CAMTA1: variants seen among roughly 807,000 people sequenced by gnomAD.
CAMTA1 encodes calmodulin-binding transcription activator 1.
Under a neutral mutation model 170.9 loss-of-function variants are expected in CAMTA1, and 27 were observed. The observed-to-expected ratio is 0.16, with a 90% confidence interval of 0.12 to 0.22. The LOEUF (loss-of-function observed/expected upper bound fraction) is 0.22. Among genes scored for constraint, CAMTA1 ranks in the 10% least tolerant of loss-of-function variants. The pLI is 1.00. For synonymous variants in CAMTA1, 833 were observed against 891.5 expected, an observed-to-expected ratio of 0.93 and a Z score of 1.17; for missense variants, 1,619 against 2,217.2, an observed-to-expected ratio of 0.73 and a Z score of 5.42.
At chr1:7,411,117 G>A (rs2090701900) in intron 5 of CAMTA1, among the ~76,000 whole-genome samples, 1 of 152,080 alleles carries the variant, frequency 6.6e-6, no homozygotes, top group African/African-American at 2.4e-5. Context: ...GGTTTTCTAA[G>A]CTATTATCTT....
chr1:6,809,941 G>C (rs1644973903), intron 1 of CAMTA1, among the ~76,000 whole-genome samples: 1 of 152,192 alleles, frequency 6.6e-6, no homozygotes, highest in African/African-American at 2.4e-5. Context: ...GATTATTTCA[G>C]AACCGTGGTG....
rs1358438636 is a variant in CAMTA1, at chr1:7,329,127, A to G, written c.438+79501A>G. On this transcript the variant is annotated intron_variant, in intron 5 of 22. Coordinates refer to ENST00000303635, the MANE Select transcript of CAMTA1 (RefSeq NM_015215.4). ...CCTTAAAAATCCAAAGAGTGTGATT[A>G]TCTTCACTTTACTGTAGGTCATAGA... Among the ~76,000 whole-genome samples the G allele has an allele frequency of 2.6e-5, 4 of 152,162 alleles. No individual in the cohort carries two copies. The East Asian group carries it at 7.7e-4, about 29-fold the overall frequency.
chr1:6,920,249 T>C (rs772479188), intron 3 of CAMTA1, among the ~76,000 whole-genome samples: 1 of 152,220 alleles, frequency 6.6e-6, no homozygotes, highest in Non-Finnish European at 1.5e-5. Context: ...ACAGGGCCCA[T>C]GCAAGTCTGA....
chr1:7,522,149 A>G (rs1019112604), intron 6 of CAMTA1, among the ~76,000 whole-genome samples: 1 of 152,140 alleles, frequency 6.6e-6, no homozygotes, highest in African/African-American at 2.4e-5. Flanking sequence ...TCACGGCCTC[A>G]CCAGCATTTG....
In CAMTA1 at chr1:7,732,596, A is replaced by G; in HGVS notation, c.3063A>G (p.Ala1021=). ...GGAGCGGGAATGGAGGGAGCCAGGC[A>G]CAGGTACGAGGCGGTGCTGATGCTC... ...GSGSGNGGSQ[A]QCASGTGALG... Residue 1021 remains alanine (A), a synonymous_variant, in exon 12 of 23, where the codon GCA becomes GCG. Transcript: ENST00000303635. This position sits in a 1 kb window ranked among gnomAD's most constrained non-coding sequence, Gnocchi z 4.1. 7 of 1,603,054 alleles carry G rather than the reference A, an allele frequency of 4.4e-6. No homozygotes were observed. The highest frequency in any genetic ancestry group is 6.0e-6 in the Non-Finnish European group (7 of 1,175,194).
chr1:7,515,446 C>T (rs1298926616), intron 6 of CAMTA1, among the ~76,000 whole-genome samples: 1 of 152,180 alleles, frequency 6.6e-6, no homozygotes, highest in African/African-American at 2.4e-5. Context: ...GCCCAATTTC[C>T]TCATGGGCTT....
chr1:7,255,558 C>A (rs115447592), intron 5 of CAMTA1, among the ~76,000 whole-genome samples: 1,685 of 152,294 alleles, frequency 0.011, 31 homozygotes, highest in African/African-American at 0.038. Flanking sequence ...ATGATTTCCT[C>A]CCCTACATTG....
At chr1:7,612,970 C>A (rs1457399567) in intron 6 of CAMTA1, among the ~76,000 whole-genome samples, 2 of 152,212 alleles carry the variant, frequency 1.3e-5, no homozygotes, top group South Asian at 4.1e-4. Context: ...TCCTCGCCAC[C>A]AGAAGGGCCT....
intron 5 of CAMTA1, among the ~76,000 whole-genome samples, chr1:7,302,509 T>C (rs1674926138): frequency 6.6e-6 from 1 of 152,254 alleles, no homozygotes; most frequent in South Asian, 2.1e-4. Flanking sequence ...CAACCACTAG[T>C]TGTGCCTTTA....
intron 11 of CAMTA1, among the ~76,000 whole-genome samples, chr1:7,729,666 G>A (rs1376132190): frequency 6.6e-6 from 1 of 152,134 alleles, no homozygotes; most frequent in African/African-American, 2.4e-5. Flanking sequence ...CCAGCCCTGG[G>A]GCCAGACAGA....
At chr1:7,331,994 C>T (rs115190670) in intron 5 of CAMTA1, among the ~76,000 whole-genome samples, 2,776 of 152,288 alleles carry the variant, frequency 0.018, 75 homozygotes, top group African/African-American at 0.062. Flanking sequence ...ATTGGCTTCC[C>T]CCACAACATA....
intron 3 of CAMTA1, among the ~76,000 whole-genome samples, chr1:6,893,470 C>G (rs1674987709): frequency 1.3e-5 from 2 of 152,150 alleles, no homozygotes. Context: ...AGTTGTGATG[C>G]TTTTAGGAAG....
rs145155724 is a variant in CAMTA1, at chr1:7,044,012, G to A, written c.235-47292G>A. ...GGAGGATATAGGTCTAGGGGAGGGT[G>A]ACTGTATTACCTGGATCCTCCAGAG... On this transcript the variant is annotated intron_variant, in intron 3 of 22. Coordinates refer to ENST00000303635, the MANE Select transcript of CAMTA1 (RefSeq NM_015215.4). This position sits in a 1 kb window ranked among gnomAD's most constrained non-coding sequence, Gnocchi z 5.0. 3.3e-5 allele frequency among the ~76,000 whole-genome samples: 5 copies of A among 152,224 alleles called. No individual in the cohort carries two copies. Among genetic ancestry groups the A allele is most frequent in the African/African-American group, 7.2e-5 (3 of 41,466 alleles).
In CAMTA1 at chr1:7,007,681, C is replaced by G. The variant is rs544484053; in HGVS notation, c.235-83623C>G. 6.6e-6 allele frequency among the ~76,000 whole-genome samples: 1 copy of G among 152,244 alleles called. No homozygotes were observed. The highest frequency in any genetic ancestry group is 1.9e-4 in the East Asian group (1 of 5,160). On this transcript the variant is annotated intron_variant, in intron 3 of 22. Transcript: ENST00000303635. The surrounding 1 kb of genome is among the most constrained non-coding windows in gnomAD (Gnocchi z 4.5). ...CCTGTCAGTGCTGCGGAGGTGAGCT[C>G]CTTCTGAAAGGACCCCCTGTGGGGC...
chr1:7,515,851 G>A (rs1557851305), intron 6 of CAMTA1, among the ~76,000 whole-genome samples: 2 of 152,228 alleles, frequency 1.3e-5, no homozygotes, highest in African/African-American at 4.8e-5. Flanking sequence ...AGCAGGTCGT[G>A]GGACATGGGT....
chr1:6,854,606 G>C (rs1661597861), intron 3 of CAMTA1, among the ~76,000 whole-genome samples: 1 of 152,142 alleles, frequency 6.6e-6, no homozygotes, highest in South Asian at 2.1e-4. Context: ...CTTTTCATAT[G>C]CATAGGGAAC....
intron 5 of CAMTA1, among the ~76,000 whole-genome samples, chr1:7,391,041 G>A (rs1272319820): frequency 2.6e-5 from 4 of 151,528 alleles, no homozygotes; most frequent in Admixed American, 6.6e-5. Context: ...CTTGTTGCCC[G>A]GGCTGGAGTG....
intron 1 of CAMTA1, among the ~76,000 whole-genome samples, chr1:6,817,745 A>T (rs1646002898): frequency 6.6e-6 from 1 of 152,116 alleles, no homozygotes; most frequent in Admixed American, 6.5e-5. Flanking sequence ...TGATCCTCCC[A>T]CCTCAGTCTC....
chr1:6,997,077 G>A (rs879569907), intron 3 of CAMTA1, among the ~76,000 whole-genome samples: 19 of 152,228 alleles, frequency 1.2e-4, no homozygotes, highest in Non-Finnish European at 2.2e-4. Flanking sequence ...ACAGTCTTAC[G>A]TGTGGTTCCT....
Sources: allele counts gnomAD v4.1 joint callset (sites outside exome capture counted in the v4.1 genomes callset), GRCh38; gene constraint gnomAD v4.1.1; non-coding constraint Gnocchi (gnomAD v3.1); transcripts MANE v1.5; gene names NCBI Gene and HGNC (gene_info 2026-07-23, HGNC 2026-07-21).